Variants in NABP2 observed in about 807,000 individuals in gnomAD.
The protein encoded by NABP2 is SOSS complex subunit B1.
In NABP2, 7 loss-of-function variants were observed where a neutral mutation model predicts 22.7. The ratio of observed to expected loss-of-function variants is 0.31; its 90% CI spans 0.18 to 0.58. NABP2 has a LOEUF of 0.58. Ranked by LOEUF, NABP2 falls within the 20% of genes least tolerant of loss-of-function variation. The probability of loss-of-function intolerance (pLI) is 0.89; values close to 1 mark genes in which losing one functional copy is unlikely to be tolerated. For synonymous variants in NABP2, 107 were observed against 99.2 expected (o/e 1.08, Z -0.47); for missense variants, 188 against 265.9 (o/e 0.71, Z 2.04).
upstream of NABP2, among the ~76,000 whole-genome samples, chr12:56,224,035 T>G (rs2135827429): frequency 6.6e-6 from 1 of 152,328 alleles, no homozygotes; most frequent in Admixed American, 6.5e-5. Context: ...TCCGCCAGAT[T>G]CCGAAGCCCT....
chr12:56,224,143 G>A (rs1370180960), upstream of NABP2, among the ~76,000 whole-genome samples: 1 of 152,238 alleles, frequency 6.6e-6, no homozygotes, highest in Non-Finnish European at 1.5e-5. Context: ...GGCCCTGTGC[G>A]CCTTCTAGTG....
At chr12:56,228,916 G>A (rs1869945007) in intron 6 of NABP2, 98 bp from the exon 7 acceptor site, 3 of 1,131,804 alleles carry the variant, frequency 2.7e-6, no homozygotes, top group Non-Finnish European at 3.9e-6. Context: ...TGTGCATGGT[G>A]AAGACTGTGC....
chr12:56,224,280 C>A (rs1268009359), upstream of NABP2: 1 of 967,594 alleles, frequency 1.0e-6, no homozygotes, highest in Non-Finnish European at 1.2e-6. Context: ...GGACGCAGGG[C>A]GCGCCCGGGC....
At chr12:56,223,300 G>C (rs565011249), upstream of NABP2, among the ~76,000 whole-genome samples, 2 of 152,238 alleles carry the variant, frequency 1.3e-5, no homozygotes, top group South Asian at 2.1e-4. Context: ...AGCGGCTCAC[G>C]CCTGTAATCC....
intron 4 of NABP2, among the ~76,000 whole-genome samples, 198 bp downstream of exon 4, chr12:56,225,893 G>A (rs956743469): frequency 6.6e-6 from 1 of 152,102 alleles, no homozygotes; most frequent in Non-Finnish European, 1.5e-5. Context: ...TTGACCTCCC[G>A]GGGTCAGGTG....
upstream of NABP2, among the ~76,000 whole-genome samples, chr12:56,222,797 TAC>T (rs1376879556): frequency 6.6e-6 from 1 of 152,254 alleles, no homozygotes; most frequent in African/African-American, 2.4e-5. Context: ...AATACACACA[TAC>T]ACACATATCT....
At chr12:56,225,748 G>C (rs1869732310) in intron 4 of NABP2, 53 bp downstream of exon 4, 1 of 1,569,398 alleles carries the variant, frequency 6.4e-7, no homozygotes, top group Non-Finnish European at 8.8e-7. Context: ...AAAGGGGTTT[G>C]CAAGGAGGCA....
At chr12:56,224,070 C>T (rs932821845), upstream of NABP2, among the ~76,000 whole-genome samples, 1 of 152,228 alleles carries the variant, frequency 6.6e-6, no homozygotes, top group East Asian at 1.9e-4. Context: ...TTGTGTCACT[C>T]TTTGGAAAGA....
At chr12:56,228,938 G>T in intron 6 of NABP2, 76 bp from the exon 7 acceptor site, 2 of 1,348,104 alleles carry the variant, frequency 1.5e-6, no homozygotes, top group Non-Finnish European at 2.1e-6. Flanking sequence ...ACTCTTTGGG[G>T]CATGGAGACA....
At chr12:56,226,519 T>C in intron 6 of NABP2, 100 bp downstream of exon 6, 1 of 1,047,268 alleles carries the variant, frequency 9.5e-7, no homozygotes, top group Non-Finnish European at 1.5e-6. Context: ...ATCTCTCTTT[T>C]CTCAGTGTAT....
rs1592367524 is a variant in NABP2, at chr12:56,226,237, A to C, written c.349A>C (p.Thr117Pro). The change falls in exon 5 of 7, where the codon ACC becomes CCC. Residue 117 changes from threonine to proline, a missense_variant. Coordinates refer to ENST00000267023, the MANE Select transcript of NABP2 (RefSeq NM_024068.4). ...NFSEPNPEYS[T>P]QQAPNKAVQN... Reference sequence around the variant, plus strand: ...CAGTGAGCCAAACCCAGAGTACAGCACCCAGCAGGCACCCAACAAGGCGGT... The same window carrying C: ...CAGTGAGCCAAACCCAGAGTACAGCCCCCAGCAGGCACCCAACAAGGCGGT... The C allele has an allele frequency of 6.2e-7, 1 of 1,614,148 alleles. No homozygotes were observed. The highest frequency in any genetic ancestry group is 8.5e-7 in the Non-Finnish European group (1 of 1,180,032).
At chr12:56,224,783 TG>T (rs1565950289) in intron 1 of NABP2, 50 bp from the exon 2 acceptor site, 2 of 1,510,278 alleles carry the variant, frequency 1.3e-6, no homozygotes, top group Non-Finnish European at 9.2e-7. Context: ...AAGTGGAGCA[TG>T]GGGGCAAAGG....
intron 4 of NABP2, 138 bp from the exon 5 acceptor site, chr12:56,226,041 A>T: frequency 1.3e-6 from 1 of 750,960 alleles, no homozygotes; most frequent in African/African-American, 1.7e-5. Flanking sequence ...GGCTGAAGTG[A>T]TCCTCCCGCT....
intron 6 of NABP2, among the ~76,000 whole-genome samples, chr12:56,227,724 G>A (rs558865946): frequency 6.6e-6 from 1 of 152,278 alleles, no homozygotes; most frequent in Non-Finnish European, 1.5e-5. Flanking sequence ...TGAGGCAGGA[G>A]CATTGCTTGA....
rs112772814 is a variant in NABP2, at chr12:56,226,840, C to T, written c.436+421C>T. ...CTGGGTTCAAGTGATTCTCCTGTCT[C>T]GGCCTCCTGAGTAGCTGGGATCACA... On this transcript the variant is annotated intron_variant, in intron 6 of 6. Coordinates refer to ENST00000267023, the MANE Select transcript of NABP2 (RefSeq NM_024068.4). Among the ~76,000 whole-genome samples the T allele has an allele frequency of 1.5e-3, 226 of 149,970 alleles. 3 individuals are homozygous for T. Among genetic ancestry groups the T allele is most frequent in the African/African-American group, 5.1e-3 (208 of 40,864 alleles).
chr12:56,229,088 C>CCCCCCCCCCCCCCCCCCCCCCCCCAAA lies in NABP2; in HGVS notation c.513_514insCCCCCCCCCCCCCCCCCCCCCCAAACC (p.Pro171_Ser172insProProProProProProProGlnThr). The CCCCCCCCCCCCCCCCCCCCCCCCCAAA allele has an allele frequency of 1.7e-6, 1 of 586,444 alleles. No individual in the cohort carries two copies. The highest frequency in any genetic ancestry group is 3.1e-6 in the Non-Finnish European group (1 of 322,090). 36.3% of individuals were successfully genotyped at this position (586,444 alleles called of 1,614,324 possible). On this transcript the variant is annotated inframe_insertion, in exon 7 of 7. Transcript: ENST00000267023. ...TGGTGGCCCACATCCCCCTCATACT[C>CCCCCCCCCCCCCCCCCCCCCCCCCAAA]CCTCCCACCCACCCAGCACCCGAAT...
Position 56,226,260 on chromosome 12 carries a change from G to A in NABP2, c.372G>A (p.Ala124=), listed in dbSNP as rs773937832. The A allele has an allele frequency of 1.9e-6, 3 of 1,614,136 alleles. No homozygotes were observed. Among genetic ancestry groups the A allele is most frequent in the African/African-American group, 1.3e-5 (1 of 75,036 alleles). ...EYSTQQAPNK[A]VQNDSNPSAS... ...GCACCCAGCAGGCACCCAACAAGGC[G>A]GTGAGTCCTGTGGCCACAATGGTGG... Residue 124 remains alanine, a splice_region_variant and synonymous_variant, in exon 5 of 7, where the codon GCG becomes GCA. Transcript: ENST00000267023.
chr12:56,226,374 C>A lies in NABP2; in HGVS notation c.391C>A (p.Pro131Thr), dbSNP rs1355781936. 1 of 1,613,794 alleles carries A rather than the reference C, an allele frequency of 6.2e-7. No homozygotes were observed. Among genetic ancestry groups the A allele is most frequent in the Non-Finnish European group, 8.5e-7 (1 of 1,180,012 alleles). ...CCTTCAGGTGCAGAACGACAGCAAC[C>A]CTTCAGCTTCCCAGCCTACCACTGG... ...PNKAVQNDSN[P>T]SASQPTTGPS... is the part of the protein sequence containing the mutation. Residue 131 changes from proline (P) to threonine (T), a missense_variant, in exon 6 of 7, where the codon CCT becomes ACT. Coordinates refer to ENST00000267023, the MANE Select transcript of NABP2 (RefSeq NM_024068.4).
intron 6 of NABP2, 140 bp downstream of exon 6, chr12:56,226,559 T>TC: frequency 3.2e-6 from 1 of 313,900 alleles, no homozygotes; most frequent in East Asian, 7.1e-5. Flanking sequence ...CCAGACCCCT[T>TC]TTTTTTTTTT....
Sources: gnomAD v4.1 joint callset for allele counts (sites outside exome capture counted in the v4.1 genomes callset) on GRCh38, gnomAD v4.1.1 for gene constraint, MANE v1.5 for transcripts, NCBI Gene and HGNC (gene_info 2026-07-23, HGNC 2026-07-21) for gene names.